GPBP1: variants seen among roughly 807,000 people sequenced by gnomAD.
The protein encoded by GPBP1 is vasculin.
A neutral mutation model predicts 56.5 loss-of-function variants in GPBP1; 13 were observed. The observed-to-expected ratio is 0.23, with a 90% confidence interval of 0.15 to 0.37. The LOEUF is 0.37. Ranked by LOEUF, GPBP1 falls within the 10% of genes least tolerant of loss-of-function variation. The pLI, the probability that GPBP1 is intolerant of heterozygous loss-of-function variation, is 1.00. For synonymous variants in GPBP1, 204 were observed against 188.9 expected (o/e 1.08, Z -0.66); for missense variants, 477 against 572.3 (o/e 0.83, Z 1.70).
intron 2 of GPBP1, among the ~76,000 whole-genome samples, chr5:57,190,118 G>T (rs910129840): frequency 6.6e-6 from 1 of 151,962 alleles, no homozygotes; most frequent in Admixed American, 6.6e-5. Context: ...GCACTTATTT[G>T]CACAGTAAAA....
Position 57,176,076 on chromosome 5 carries a change from T to A in GPBP1, c.-382T>A. On this transcript the variant is annotated 5_prime_UTR_variant, in exon 2 of 12. Coordinates refer to ENST00000506184, the MANE Select transcript of GPBP1 (RefSeq NM_022913.4). ...GGAATGCTCTTCAGATGTGAAATTT[T>A]CTTTTTGTTTTTGCTTTTTGGCTCG... 2.5e-6 allele frequency: 1 copy of A among 398,548 alleles called. No individual in the cohort carries two copies. Among genetic ancestry groups the A allele is most frequent in the Non-Finnish European group, 4.4e-6 (1 of 226,010 alleles). 24.7% of individuals were successfully genotyped at this position (398,548 alleles called of 1,614,324 possible).
rs1740575704 is a variant in GPBP1 at position 57,237,441 on chromosome 5, A to G, written c.478+1409A>G. On this transcript the variant is annotated intron_variant, in intron 6 of 11. Coordinates refer to ENST00000506184, the MANE Select transcript of GPBP1 (RefSeq NM_022913.4). ...TTTGAAAATAATGAGAGTAAAATGT[A>G]TTAATATGAAGATTTTGGTTCTACT... is the stretch of plus-strand genomic sequence containing the variant. 3 of 389,082 alleles carry G rather than the reference A, an allele frequency of 7.7e-6. No homozygotes were observed. In the South Asian group the frequency reaches 1.2e-4, roughly 16 times the overall value. 24.1% of individuals were successfully genotyped at this position (389,082 alleles called of 1,614,324 possible).
chr5:57,247,670 G>A (rs760907420), intron 8 of GPBP1, among the ~76,000 whole-genome samples: 2 of 152,112 alleles, frequency 1.3e-5, no homozygotes, highest in Non-Finnish European at 2.9e-5. Context: ...GGGCAACAGA[G>A]TGAGACCCTG....
intron 2 of GPBP1, among the ~76,000 whole-genome samples, chr5:57,196,041 A>G (rs911521353): frequency 6.6e-6 from 1 of 151,090 alleles, no homozygotes; most frequent in South Asian, 2.1e-4. Context: ...TGAGATATGT[A>G]AAAGTCAATA....
At chr5:57,227,607 T>C (rs1220944921) in intron 3 of GPBP1, among the ~76,000 whole-genome samples, 1 of 152,230 alleles carries the variant, frequency 6.6e-6, no homozygotes, top group Admixed American at 6.5e-5. Flanking sequence ...CCAAGCTCTT[T>C]ATATATGTGG....
chr5:57,219,419 C>CAAAAA (rs5868039), intron 3 of GPBP1, among the ~76,000 whole-genome samples: 1 of 68,068 alleles, frequency 1.5e-5, no homozygotes, highest in African/African-American at 5.2e-5. Context: ...AACAAACAAA[C>CAAAAA]AAAAAAAAAA....
At chr5:57,181,054 C>T (rs1442652532) in intron 2 of GPBP1, among the ~76,000 whole-genome samples, 1 of 152,174 alleles carries the variant, frequency 6.6e-6, no homozygotes, top group Non-Finnish European at 1.5e-5. Context: ...TTAAAGGGGG[C>T]CAGGTGCAGT....
intron 4 of GPBP1, 55 bp from the exon 5 acceptor site, chr5:57,231,043 A>G: frequency 6.3e-7 from 1 of 1,585,012 alleles, no homozygotes; most frequent in East Asian, 2.2e-5. Context: ...GATGTGATTC[A>G]ATCTTTAAGC....
rs779364379 is a variant in GPBP1, at chr5:57,214,170, C to T, written c.40C>T (p.Pro14Ser). ...HDFAPAWLNF[P>S]TPPSSTKSSL... The stretch of plus-strand genomic sequence containing the variant: ...CTTTGCTCCAGCCTGGCTTAATTTC[C>T]CTACTCCACCATCATCAACAAAGGT... The change falls in exon 3 of 12, where the codon CCT becomes TCT. Residue 14 changes from proline (P) to serine (S), a missense_variant. By Grantham distance (74) the Pro-to-Ser change is moderately conservative (BLOSUM62 -1). Coordinates refer to ENST00000506184, the MANE Select transcript of GPBP1 (RefSeq NM_022913.4). 1.2e-6 allele frequency: 2 copies of T among 1,613,542 alleles called. No homozygotes were observed. The highest frequency in any genetic ancestry group is 1.7e-5 in the Admixed American group (1 of 60,002).
intron 11 of GPBP1, 41 bp downstream of exon 11, chr5:57,261,323 C>T (rs1444739104): frequency 1.9e-6 from 2 of 1,077,726 alleles, no homozygotes; most frequent in Admixed American, 3.4e-5. Flanking sequence ...TTTAAACTGC[C>T]CTTATTTAGA....
At chr5:57,198,359 T>C (rs1270134254) in intron 2 of GPBP1, among the ~76,000 whole-genome samples, 1 of 152,220 alleles carries the variant, frequency 6.6e-6, no homozygotes, top group Non-Finnish European at 1.5e-5. Flanking sequence ...TCCTTTATTA[T>C]TCTTTAACTC....
At chr5:57,260,453 C>G (rs1331074131) in intron 10 of GPBP1, among the ~76,000 whole-genome samples, 2 of 152,140 alleles carry the variant, frequency 1.3e-5, no homozygotes, top group South Asian at 2.1e-4. Flanking sequence ...TTTGTTCTTG[C>G]TTCGATTTTA....
Position 57,246,274 on chromosome 5 carries a change from C to T in GPBP1, c.479-26C>T, listed in dbSNP as rs1012946016. On this transcript the variant is annotated intron_variant, in intron 6 of 11. Transcript: ENST00000506184. ...TACTAAAACTTGAAATTGTGAGTGA[C>T]TCTTGGTCATGCTTTATTTATGCAG... 4 of 1,574,156 alleles carry T rather than the reference C, an allele frequency of 2.5e-6. No homozygotes were observed. In the African/African-American group the frequency reaches 5.4e-5, roughly 21 times the overall value.
chr5:57,183,574 T>C (rs1401010152), intron 2 of GPBP1, among the ~76,000 whole-genome samples: 7 of 151,936 alleles, frequency 4.6e-5, no homozygotes, highest in Admixed American at 1.3e-4. Flanking sequence ...GTCCTGGAAT[T>C]TAAGATGTCA....
At chr5:57,176,467 C>T (rs554006458) in intron 2 of GPBP1, 67 bp downstream of exon 2, 40 of 153,440 alleles carry the variant, frequency 2.6e-4, no homozygotes, top group Non-Finnish European at 5.2e-4. Flanking sequence ...TGAGTTTATC[C>T]TATGTTATTC....
intron 2 of GPBP1, among the ~76,000 whole-genome samples, chr5:57,203,283 A>G (rs1035264456): frequency 9.2e-5 from 14 of 152,218 alleles, no homozygotes; most frequent in African/African-American, 3.1e-4. Flanking sequence ...GGAATAATTT[A>G]ACAAATAGAG....
chr5:57,223,804 A>T (rs1365263093), intron 3 of GPBP1, among the ~76,000 whole-genome samples: 1 of 149,110 alleles, frequency 6.7e-6, no homozygotes, highest in African/African-American at 2.4e-5. Flanking sequence ...TAAAATTTAT[A>T]ATTTTAAAAA....
rs765544138 is a variant in GPBP1, at chr5:57,236,861, CAAAAG to C, written c.478+830_478+834del. Among the ~76,000 whole-genome samples the C allele has an allele frequency of 5.1e-3, 771 of 152,142 alleles. 2 individuals are homozygous for C. Among genetic ancestry groups the C allele is most frequent in the Non-Finnish European group, 9.4e-3 (638 of 67,966 alleles). On this transcript the variant is annotated intron_variant, in intron 6 of 11. Coordinates refer to ENST00000506184, the MANE Select transcript of GPBP1 (RefSeq NM_022913.4). ...TCTATTGAAAATCAACTCACTAAAA[CAAAAG>C]GATTGTGGCTTTTGACAGCATACTA...
At chr5:57,183,803 A>G (rs952830065) in intron 2 of GPBP1, among the ~76,000 whole-genome samples, 1 of 134,388 alleles carries the variant, frequency 7.4e-6, no homozygotes, top group Non-Finnish European at 1.5e-5. Context: ...ACAGGGTCTC[A>G]CTCTATCACC....
Sources: gnomAD v4.1 joint callset for allele counts (sites outside exome capture counted in the v4.1 genomes callset) on GRCh38, gnomAD v4.1.1 for gene constraint, MANE v1.5 for transcripts, NCBI Gene and HGNC (gene_info 2026-07-23, HGNC 2026-07-21) for gene names.